PRAMEF25: variants seen among roughly 807,000 people sequenced by gnomAD.
PRAMEF25 encodes the protein putative PRAME family member 25.
chr1:13,076,940 CCA>C, intron 3 of PRAMEF25, 49 bp from the exon 4 acceptor site: 1 of 550,136 alleles, frequency 1.8e-6, no homozygotes, highest in Admixed American at 3.3e-5. Flanking sequence ...CCACCACCCT[CCA>C]CTCACCCCTA....
At chr1:13,076,301 C>T (rs1394858661) in intron 3 of PRAMEF25, 3 of 17,226 alleles carry the variant, frequency 1.7e-4, no homozygotes, top group African/African-American at 1.3e-3. Flanking sequence ...GTCAGGGACG[C>T]CTGCAGCCCG....
chr1:13,071,072 C>G (rs1416469707), intron 1 of PRAMEF25, 165 bp downstream of exon 1: 74 of 139,044 alleles, frequency 5.3e-4, no homozygotes, highest in African/African-American at 1.7e-3. Context: ...ACAGTTCTGT[C>G]TTTATTTCAA....
rs1261346236 is a variant in PRAMEF25 at position 13,070,982 on chromosome 1, C to T, written c.-17+75C>T. The stretch of plus-strand genomic sequence containing the variant: ...TGGTCTGGGATGGTGACAGTGCAGC[C>T]TACGATGGCACAGAGCTATATCCTG... On this transcript the variant is annotated intron_variant, in intron 1 of 3. Transcript: ENST00000619661. The T allele has an allele frequency of 8.8e-5, 11 of 124,812 alleles. 2 individuals carry two copies. Among genetic ancestry groups the T allele is most frequent in the Non-Finnish European group, 2.0e-4 (11 of 54,532 alleles). 7.7% of individuals were successfully genotyped at this position (124,812 alleles called of 1,614,324 possible). A position where few individuals can be genotyped will look rare whatever the true frequency, so the allele number is the denominator to read the frequency against.
intron 1 of PRAMEF25, chr1:13,071,553 G>A (rs1465669809): frequency 7.6e-5 from 6 of 79,178 alleles, no homozygotes; most frequent in Middle Eastern, 4.7e-3. Context: ...ACTGGTGCTC[G>A]GCCTCTACTT....
chr1:13,076,486 T>G lies in PRAMEF25; in HGVS notation c.876-505T>G, dbSNP rs959947217. The G allele has an allele frequency of 5.0e-4, 61 of 121,818 alleles. 9 individuals carry two copies. Among genetic ancestry groups the G allele is most frequent in the Non-Finnish European group, 7.6e-4 (53 of 69,504 alleles). The allele number at this position is 121,818 out of a possible 1,614,324, so 7.5% of individuals were successfully genotyped here. On this transcript the variant is annotated intron_variant, in intron 3 of 3. Transcript: ENST00000619661. ...TAAATGATGGTGAAATGACTCAGCC[T>G]CAAATGGAATTATTTTTTCTCCTTT...
At chr1:13,070,993 C>G (rs1393670407) in intron 1 of PRAMEF25, 86 bp downstream of exon 1, 2 of 125,168 alleles carry the variant, frequency 1.6e-5, no homozygotes, top group African/African-American at 2.5e-5. Context: ...TACGATGGCA[C>G]AGAGCTATAT....
At chr1:13,071,003 T>C (rs1642342630) in intron 1 of PRAMEF25, 96 bp downstream of exon 1, 2 of 127,006 alleles carry the variant, frequency 1.6e-5, no homozygotes, top group African/African-American at 5.0e-5. Flanking sequence ...CAGAGCTATA[T>C]CCTGTCCTTT....
intron 1 of PRAMEF25, chr1:13,071,247 C>A (rs1452338436): frequency 1.3e-5 from 1 of 78,470 alleles, no homozygotes; most frequent in African/African-American, 3.7e-5. Flanking sequence ...CTCTACACAA[C>A]GTTTTTTTTT....
rs1252266799 is a variant in PRAMEF25, at chr1:13,077,022, ATAAC to A, written c.913_916del (p.Asn305ValfsTer8). 7.7e-6 allele frequency: 5 copies of A among 652,778 alleles called. No homozygotes were observed. The highest frequency in any genetic ancestry group is 2.1e-5 in the South Asian group (1 of 48,608). 40.4% of individuals were successfully genotyped at this position (652,778 alleles called of 1,614,324 possible). On this transcript the variant is annotated frameshift_variant, in exon 4 of 4. Transcript: ENST00000619661. LOFTEE classifies it high-confidence loss of function. ...GAAGACCTCGTTAAAGGTCCTCACAATAACTAACTGTGTGCTTTTGGAATCAGAC... is the reference window on the plus strand; with the variant it reads ...GAAGACCTCGTTAAAGGTCCTCACAATAACTGTGTGCTTTTGGAATCAGAC...
chr1:13,071,073 T>A (rs1405618000), intron 1 of PRAMEF25, 166 bp downstream of exon 1: 1 of 139,894 alleles, frequency 7.1e-6, no homozygotes, highest in Non-Finnish European at 1.6e-5. Flanking sequence ...CAGTTCTGTC[T>A]TTATTTCAAA....
intron 1 of PRAMEF25, chr1:13,071,562 T>A (rs1291597326): frequency 1.6e-5 from 1 of 61,024 alleles, no homozygotes; most frequent in Non-Finnish European, 2.9e-5. Flanking sequence ...CGGCCTCTAC[T>A]TTTTTTTTTT....
chr1:13,076,808 T>G, intron 3 of PRAMEF25, 183 bp from the exon 4 acceptor site: 1 of 388,844 alleles, frequency 2.6e-6, no homozygotes, highest in African/African-American at 5.3e-5. Flanking sequence ...GGGCCTAAAG[T>G]GGAATTGACC....
chr1:13,076,314 C>A (rs1275459054), intron 3 of PRAMEF25: 3 of 17,436 alleles, frequency 1.7e-4, no homozygotes, highest in Non-Finnish European at 2.7e-4. Context: ...GCAGCCCGCC[C>A]ACCCCAGCTG....
Position 13,071,082 on chromosome 1 carries a change from A to T in PRAMEF25, c.-17+175A>T, listed in dbSNP as rs1352222378. The T allele has an allele frequency of 2.0e-4, 28 of 139,696 alleles. 1 individual carries two copies. Among genetic ancestry groups the T allele is most frequent in the African/African-American group, 6.4e-4 (26 of 40,738 alleles). 8.7% of individuals were successfully genotyped at this position (139,696 alleles called of 1,614,324 possible). ...TAAATACAGTTCTGTCTTTATTTCA[A>T]AAAAGTTGATTGTGCTTTGGTTTAG... On this transcript the variant is annotated intron_variant, in intron 1 of 3. Transcript: ENST00000619661.
chr1:13,071,143 T>C (rs1642344983), intron 1 of PRAMEF25: 1 of 134,374 alleles, frequency 7.4e-6, no homozygotes, highest in Non-Finnish European at 1.7e-5. Flanking sequence ...CAGTGACTCA[T>C]GCCTTTAACC....
intron 1 of PRAMEF25, chr1:13,071,889 T>TCTTG (rs1642353287): frequency 2.2e-3 from 4 of 1,822 alleles, no homozygotes; most frequent in Admixed American, 6.0e-3. Flanking sequence ...TCTTGGAGGC[T>TCTTG]GAGGTAACAG....
At chr1:13,071,065 GT>G in intron 1 of PRAMEF25, 158 bp downstream of exon 1, 1 of 139,502 alleles carries the variant, frequency 7.2e-6, no homozygotes, top group South Asian at 2.4e-4. Flanking sequence ...TCTAAATACA[GT>G]TCTGTCTTTA....
In PRAMEF25 at chr1:13,076,481, C is replaced by T. The variant is rs1395880442; in HGVS notation, c.876-510C>T. ...TCCTATAAATGATGGTGAAATGACT[C>T]AGCCTCAAATGGAATTATTTTTTCT... On this transcript the variant is annotated intron_variant, in intron 3 of 3. Coordinates refer to ENST00000619661, the Ensembl canonical transcript of PRAMEF25. The T allele has an allele frequency of 1.7e-5, 2 of 114,474 alleles. 1 individual carries two copies. Among genetic ancestry groups the T allele is most frequent in the Non-Finnish European group, 3.1e-5 (2 of 65,372 alleles). The allele number at this position is 114,474 out of a possible 1,614,324, so 7.1% of individuals were successfully genotyped here.
At position 13,076,498 on chromosome 1, in the gene PRAMEF25, AT is replaced by A. The variant is rs1196487971; in HGVS notation, c.876-487del. ...AAATGACTCAGCCTCAAATGGAATT[AT>A]TTTTTCTCCTTTTTTTTTTTTAATG... On this transcript the variant is annotated intron_variant, in intron 3 of 3. Coordinates refer to ENST00000619661, the Ensembl canonical transcript of PRAMEF25. The A allele has an allele frequency of 1.6e-5, 2 of 125,480 alleles. 1 individual carries two copies. Among genetic ancestry groups the A allele is most frequent in the African/African-American group, 1.3e-4 (2 of 15,024 alleles). 7.8% of individuals were successfully genotyped at this position (125,480 alleles called of 1,614,324 possible). A position where few individuals can be genotyped will look rare whatever the true frequency, so the allele number is the denominator to read the frequency against.
Sources: allele counts gnomAD v4.1 joint callset, GRCh38; gene constraint gnomAD v4.1.1; transcripts MANE v1.5; gene names NCBI Gene and HGNC (gene_info 2026-07-23, HGNC 2026-07-21).